Variants in TIAM1 observed in about 807,000 individuals in gnomAD.
TIAM1 encodes rho guanine nucleotide exchange factor TIAM1.
A neutral mutation model predicts 163.5 loss-of-function variants in TIAM1; 65 were observed. The observed-to-expected ratio is 0.40, with a 90% CI of 0.33 to 0.49. TIAM1 has a LOEUF of 0.49. Ranked by LOEUF, TIAM1 falls within the 20% of genes least tolerant of loss-of-function variation. The pLI is 0.77. For synonymous variants in TIAM1, 833 were observed against 810.1 expected (o/e 1.03, Z -0.48); for missense variants, 1,789 against 2,044.7 (o/e 0.87, Z 2.41).
chr21:31,479,751 T>G (rs1053266253), intron 1 of TIAM1, among the ~76,000 whole-genome samples: 2 of 152,266 alleles, frequency 1.3e-5, no homozygotes, highest in African/African-American at 4.8e-5. Flanking sequence ...TACCTGTAAG[T>G]GCCTACAAAG....
At chr21:31,231,458 C>T (rs2088424823) in intron 6 of TIAM1, among the ~76,000 whole-genome samples, 1 of 152,150 alleles carries the variant, frequency 6.6e-6, no homozygotes, top group African/African-American at 2.4e-5. Flanking sequence ...GGTCTTCTTT[C>T]CCCTGTGAGG....
At chr21:31,396,179 G>A (rs1311394533) in intron 2 of TIAM1, among the ~76,000 whole-genome samples, 1 of 152,154 alleles carries the variant, frequency 6.6e-6, no homozygotes, top group Non-Finnish European at 1.5e-5. Flanking sequence ...GGAGTAGAGG[G>A]GCTTGTTTGT....
At chr21:31,167,880 T>C (rs1397234194) in intron 15 of TIAM1, among the ~76,000 whole-genome samples, 1 of 152,170 alleles carries the variant, frequency 6.6e-6, no homozygotes, top group African/African-American at 2.4e-5. Flanking sequence ...AAAACAGGGC[T>C]TGGGTCAGTA....
At chr21:31,240,233 G>C (rs1601666852) in intron 6 of TIAM1, among the ~76,000 whole-genome samples, 1 of 152,208 alleles carries the variant, frequency 6.6e-6, no homozygotes, top group Non-Finnish European at 1.5e-5. Flanking sequence ...GGGTAGGAGG[G>C]TTAAGAACTT....
chr21:31,178,538 C>G (rs535444137), intron 15 of TIAM1, among the ~76,000 whole-genome samples: 1 of 152,136 alleles, frequency 6.6e-6, no homozygotes, highest in East Asian at 1.9e-4. Flanking sequence ...GATCTCCTGA[C>G]CTCGTGATCT....
Position 31,124,837 on chromosome 21 carries a change from C to T in TIAM1, c.4134-143G>A, listed in dbSNP as rs867734139. On this transcript the variant is annotated intron_variant, in intron 26 of 27. Transcript: ENST00000541036. ...CCTTGACTCCAATTTCTATGCTGAG[C>T]GGTGATTTCACGCCAGTGATAAAGA... The T allele has an allele frequency of 6.8e-5, 43 of 636,276 alleles. No individual in the cohort carries two copies. In the South Asian group the frequency reaches 6.8e-4, roughly 10 times the overall value. The allele number at this position is 636,276 out of a possible 1,614,324, so 39.4% of individuals were successfully genotyped here.
chr21:31,411,348 G>GT (rs1372083013), intron 2 of TIAM1, among the ~76,000 whole-genome samples: 1 of 152,120 alleles, frequency 6.6e-6, no homozygotes, highest in Non-Finnish European at 1.5e-5. Flanking sequence ...CAAACTTCTT[G>GT]TAAGAGGCCA....
At chr21:31,425,415 G>T (rs2043748221) in intron 2 of TIAM1, among the ~76,000 whole-genome samples, 1 of 152,150 alleles carries the variant, frequency 6.6e-6, no homozygotes, top group Admixed American at 6.6e-5. Context: ...GAGGTAAATG[G>T]ATGGCAGCAA....
Position 31,266,138 on chromosome 21 carries a change from C to G in TIAM1, c.835G>C (p.Glu279Gln). Reference sequence around the variant, plus strand: ...TTATAATTACTGTACGGAGGAGTCTCTTCAGCAGCAGCTGGTGGCATCTTA... The same window carrying G: ...TTATAATTACTGTACGGAGGAGTCTGTTCAGCAGCAGCTGGTGGCATCTTA... ...NHKMPPAAAE[E>Q]TPPYSNYNTL... Residue 279 changes from glutamate to glutamine, a missense_variant, in exon 4 of 28, where the codon GAG becomes CAG. Physicochemically the swap from Glu to Gln is conservative, Grantham distance 29 (BLOSUM62 2). Around this residue, in one of 5 missense-constraint regions of TIAM1, gnomAD observed 555 missense variants for 564.9 expected, o/e 0.98. Coordinates refer to ENST00000541036, the MANE Select transcript of TIAM1 (RefSeq NM_001353694.2). 2 of 1,614,214 alleles carry G rather than the reference C, an allele frequency of 1.2e-6. No homozygotes were observed. Among genetic ancestry groups the G allele is most frequent in the Non-Finnish European group, 1.7e-6 (2 of 1,180,052 alleles).
intron 2 of TIAM1, among the ~76,000 whole-genome samples, chr21:31,352,460 T>C (rs2076250108): frequency 6.6e-6 from 1 of 151,140 alleles, no homozygotes; most frequent in African/African-American, 2.4e-5. Context: ...ATGCCAACTT[T>C]TATGTTATAT....
At position 31,430,231 on chromosome 21, in the gene TIAM1, T is replaced by TAC. The variant is rs1415864666; in HGVS notation, c.-369+33751_-369+33752insGT. ...CAAAGAAAAAAAAAAAAAAAATATA[T>TAC]ATATATATATATATATACACACACA... On this transcript the variant is annotated intron_variant, in intron 2 of 28. Transcript: ENST00000286827. 2.0e-3 allele frequency among the ~76,000 whole-genome samples: 238 copies of TAC among 117,090 alleles called. 1 individual carries two copies. The highest frequency in any genetic ancestry group is 0.01 in the African/African-American group (224 of 21,674). 76.8% of individuals were successfully genotyped at this position (117,090 alleles called of 152,430 possible).
chr21:31,468,146 G>A (rs1465901959), intron 1 of TIAM1, among the ~76,000 whole-genome samples: 1 of 151,398 alleles, frequency 6.6e-6, no homozygotes, highest in East Asian at 1.9e-4. Flanking sequence ...GATCTCAAAA[G>A]TGCGATCTAC....
At chr21:31,145,284 G>C (rs996230118) in intron 20 of TIAM1, among the ~76,000 whole-genome samples, 11 of 152,176 alleles carry the variant, frequency 7.2e-5, no homozygotes, top group African/African-American at 2.4e-4. Flanking sequence ...CCAGAGATCT[G>C]TATTGTGCTA....
intron 6 of TIAM1, 83 bp downstream of exon 6, chr21:31,245,405 A>C: frequency 9.2e-4 from 369 of 399,710 alleles, no homozygotes; most frequent in Non-Finnish European, 1.4e-3. Context: ...AAAGCAGTGG[A>C]GGGAGACTGG....
intron 1 of TIAM1, among the ~76,000 whole-genome samples, chr21:31,340,485 A>G (rs1378052654): frequency 6.6e-6 from 1 of 152,172 alleles, no homozygotes; most frequent in East Asian, 1.9e-4. Context: ...CGAAACTGCT[A>G]TGGCAGTCAC....
chr21:31,159,100 CCTACTTGAGGA>C (rs1221212101), intron 16 of TIAM1, among the ~76,000 whole-genome samples: 1 of 152,060 alleles, frequency 6.6e-6, no homozygotes, highest in African/African-American at 2.4e-5. Flanking sequence ...AAACCTCTCC[CCTACTTGAGGA>C]CTGTAATCAG....
rs540498625 is a variant in TIAM1, at chr21:31,196,465, C to T, written c.2494-1160G>A. The stretch of plus-strand genomic sequence containing the variant: ...TAGCTGGGATTACAGGCGTTTGCTA[C>T]CACATCTGGCTAATTTTTTTTTTTT... On this transcript the variant is annotated intron_variant, in intron 12 of 27. Transcript: ENST00000541036. Among the ~76,000 whole-genome samples, 370 of 146,786 alleles carry T rather than the reference C, an allele frequency of 2.5e-3. 2 individuals are homozygous for T. Among genetic ancestry groups the T allele is most frequent in the African/African-American group, 9.3e-3 (348 of 37,554 alleles).
At chr21:31,322,426 C>T (rs1356217547) in intron 2 of TIAM1, among the ~76,000 whole-genome samples, 1 of 140,634 alleles carries the variant, frequency 7.1e-6, no homozygotes, top group East Asian at 2.0e-4. Context: ...AATTCATGTC[C>T]TACTCACGAT....
chr21:31,515,168 C>T (rs2047341432), intron 1 of TIAM1, among the ~76,000 whole-genome samples: 1 of 152,168 alleles, frequency 6.6e-6, no homozygotes, highest in African/African-American at 2.4e-5. Flanking sequence ...GACCCACAGG[C>T]CCCAACTCCA....
Sources: allele counts gnomAD v4.1 joint callset (sites outside exome capture counted in the v4.1 genomes callset), GRCh38; gene constraint gnomAD v4.1.1; regional missense constraint gnomAD v4.1.1; transcripts MANE v1.5; gene names NCBI Gene and HGNC (gene_info 2026-07-23, HGNC 2026-07-21).